Variants in MGAT4B observed in about 807,000 individuals in gnomAD.
MGAT4B encodes alpha-1,3-mannosyl-glycoprotein 4-beta-N-acetylglucosaminyltransferase B.
A neutral mutation model predicts 73.9 loss-of-function variants in MGAT4B; 38 were observed. The observed-to-expected ratio is 0.51, with a 90% CI of 0.40 to 0.67. MGAT4B has a LOEUF of 0.67. Ranked by LOEUF, MGAT4B falls within the 30% of genes least tolerant of loss-of-function variation. The pLI, the probability that MGAT4B is intolerant of heterozygous loss-of-function variation, is 0.00. For missense variants in MGAT4B, 686 were observed against 735.2 expected, an observed-to-expected ratio of 0.93 and a Z score of 0.77; for synonymous variants, 373 against 313.5, an observed-to-expected ratio of 1.19 and a Z score of -2.01.
rs971541467 is a variant in MGAT4B, at chr5:179,806,646, G to A, written c.-63C>T. 3.6e-5 allele frequency: 32 copies of A among 893,424 alleles called. No individual in the cohort carries two copies. Among genetic ancestry groups the A allele is most frequent in the South Asian group, 4.4e-5 (1 of 22,498 alleles). The allele number at this position is 893,424 out of a possible 1,614,324, so 55.3% of individuals were successfully genotyped here. A position where few individuals can be genotyped will look rare whatever the true frequency, so the allele number is the denominator to read the frequency against. ...CTGCATGGCCCGGGGGACCGGGGCC[G>A]GGGCGCAGGGGTCGGAAGGCGGCGG... is the stretch of plus-strand genomic sequence containing the variant. On this transcript the variant is annotated 5_prime_UTR_variant, in exon 1 of 15. Coordinates refer to ENST00000292591, the MANE Select transcript of MGAT4B (RefSeq NM_014275.5). The surrounding 1 kb of genome is among the most constrained non-coding windows in gnomAD (Gnocchi z 4.6).
Position 179,801,929 on chromosome 5 carries a change from C to A in MGAT4B, c.138G>T (p.Leu46=). 1 of 1,613,356 alleles carries A rather than the reference C, an allele frequency of 6.2e-7. No homozygotes were observed. The highest frequency in any genetic ancestry group is 2.2e-5 in the East Asian group (1 of 44,872). The change falls in exon 2 of 15, where the codon CTG becomes CTT. Residue 46 remains leucine (L), a synonymous_variant. Transcript: ENST00000292591. This position sits in a 1 kb window ranked among gnomAD's most constrained non-coding sequence, Gnocchi z 4.8. ...GCTCAGCTGCGTGCAACCGATCGCG[C>A]AGCGCCAGGAACTCCCGCTGGTAAA... The part of the protein sequence containing the change: ...VDVYQREFLA[L]RDRLHAAEQE...
rs758073876 is a variant in MGAT4B at position 179,800,569 on chromosome 5, G to A, written c.634C>T (p.Leu212=). The change falls in exon 6 of 15, where the codon CTG becomes TTG. Residue 212 remains leucine (L), a synonymous_variant. Coordinates refer to ENST00000292591, the MANE Select transcript of MGAT4B (RefSeq NM_014275.5). ...LFPTEIHSGL[L]EVISPSPHFY... ...TGGGGGGAGGGTGAGATGACCTCCA[G>A]GAGCCCAGAATGGATCTCCGTGGGG... The A allele has an allele frequency of 3.1e-6, 5 of 1,611,734 alleles. No homozygotes were observed. Among genetic ancestry groups the A allele is most frequent in the Middle Eastern group, 1.7e-4 (1 of 5,872 alleles).
At position 179,804,481 on chromosome 5, in the gene MGAT4B, G is replaced by C. The variant is rs543630324; in HGVS notation, c.97+2006C>G. 1.3e-4 allele frequency among the ~76,000 whole-genome samples: 20 copies of C among 152,342 alleles called. No individual in the cohort carries two copies. In the South Asian group the frequency reaches 2.3e-3, roughly 17 times the overall value. ...GATCCTCAGCAGGTGCTTGACCGAG[G>C]GCCACAGTTTGAGCGCTGGCAGAGC... On this transcript the variant is annotated intron_variant, in intron 1 of 14. Coordinates refer to ENST00000292591, the MANE Select transcript of MGAT4B (RefSeq NM_014275.5).
intron 5 of MGAT4B, 84 bp downstream of exon 5, chr5:179,800,823 C>T (rs372063506): frequency 2.7e-6 from 4 of 1,475,244 alleles, no homozygotes; most frequent in East Asian, 2.3e-5. Context: ...AAGGCACTAT[C>T]TCATGGGGAG....
At chr5:179,805,437 C>G (rs1048311833) in intron 1 of MGAT4B, 3 of 152,590 alleles carry the variant, frequency 2.0e-5, no homozygotes, top group Non-Finnish European at 4.4e-5. Context: ...CCATCCCTCC[C>G]GTGTCAGGCA....
intron 1 of MGAT4B, among the ~76,000 whole-genome samples, chr5:179,804,023 C>G (rs1309243140): frequency 6.6e-6 from 1 of 152,188 alleles, no homozygotes; most frequent in Non-Finnish European, 1.5e-5. Context: ...AGCCTGGGAG[C>G]CCCTGCCACA....
chr5:179,802,304 C>A, intron 1 of MGAT4B: 1 of 1,383,200 alleles, frequency 7.2e-7, no homozygotes, highest in Non-Finnish European at 9.3e-7. Context: ...CAGACTGAAT[C>A]CGCTCCATCC....
In MGAT4B at chr5:179,798,573, C is replaced by T. The variant is rs765767310; in HGVS notation, c.1362G>A (p.Gly454=). ...GCTTGTCCTCCGGGTGCTCGATGTT[C>T]CCACTGCGGAAGAAGAACCTGCAGC... The part of the protein sequence containing the change: ...LRLERFFFRS[G]NIEHPEDKLF... The change falls in exon 12 of 15, where the codon GGG becomes GGA. Residue 454 remains glycine (G), a synonymous_variant. Coordinates refer to ENST00000292591, the MANE Select transcript of MGAT4B (RefSeq NM_014275.5). The T allele has an allele frequency of 2.5e-6, 4 of 1,613,476 alleles. No homozygotes were observed. The East Asian group carries it at 8.9e-5, about 36-fold the overall frequency.
chr5:179,799,432 CAG>C (rs1756808150), intron 9 of MGAT4B, 72 bp downstream of exon 9: 1 of 1,609,640 alleles, frequency 6.2e-7, no homozygotes, highest in Non-Finnish European at 8.5e-7. Flanking sequence ...GATGCAAGGA[CAG>C]GGACACAGTT....
rs946694973 is a variant in MGAT4B at position 179,801,561 on chromosome 5, G to A, written c.417C>T (p.Arg139=). 6.2e-7 allele frequency: 1 copy of A among 1,608,724 alleles called. No individual in the cohort carries two copies. Among genetic ancestry groups the A allele is most frequent in the Non-Finnish European group, 8.5e-7 (1 of 1,178,204 alleles). Residue 139 remains arginine (R), a synonymous_variant, in exon 3 of 15, where the codon CGC becomes CGT. Transcript: ENST00000292591. The surrounding 1 kb of genome is among the most constrained non-coding windows in gnomAD (Gnocchi z 4.8). Reference sequence around the variant, plus strand: ...CCCTGTCTGCGCCCATACCTCCGGTGCGGCCCTGGCCCACGCGCACCGCGG... The same window carrying A: ...CCCTGTCTGCGCCCATACCTCCGGTACGGCCCTGGCCCACGCGCACCGCGG... ...LQPAVRVGQG[R]TGVSVVMGIP...
chr5:179,799,009 C>T lies in MGAT4B; in HGVS notation c.1262G>A (p.Arg421His), dbSNP rs748216524. ...QHFTLEKAYL[R>H]EDFFWAFTPA... ...GGTGAAGGCCCAGAAGAAGTCCTCG[C>T]GCAGGTAGGCTTTCTCCAGGGTGAA... Residue 421 changes from arginine (R) to histidine (H), a missense_variant, in exon 11 of 15, where the codon CGC becomes CAC. Around this residue, in one of 2 missense-constraint regions of MGAT4B, gnomAD observed 449 missense variants for 536.8 expected, o/e 0.84. Coordinates refer to ENST00000292591, the MANE Select transcript of MGAT4B (RefSeq NM_014275.5). 29 of 1,613,780 alleles carry T rather than the reference C, an allele frequency of 1.8e-5. No homozygotes were observed. Among genetic ancestry groups the T allele is most frequent in the South Asian group, 1.8e-4 (16 of 91,092 alleles).
intron 4 of MGAT4B, 40 bp from the exon 5 acceptor site, chr5:179,800,993 G>GC (rs1562613864): frequency 3.1e-6 from 5 of 1,607,976 alleles, no homozygotes; most frequent in Non-Finnish European, 4.3e-6. Flanking sequence ...CCCTGCTGCT[G>GC]CCCCAAAAGG....
chr5:179,797,980 G>A lies in MGAT4B; in HGVS notation c.*65C>T. ...CGTATCTGGCCCTCCGGGGACGGCA[G>A]TGACGACACCCCCAGAAATGTGGGC... On this transcript the variant is annotated 3_prime_UTR_variant, in exon 15 of 15. Coordinates refer to ENST00000292591, the MANE Select transcript of MGAT4B (RefSeq NM_014275.5). The A allele has an allele frequency of 6.4e-7, 1 of 1,562,532 alleles. No individual in the cohort carries two copies. The highest frequency in any genetic ancestry group is 1.4e-5 in the African/African-American group (1 of 73,854).
In MGAT4B at chr5:179,801,104, G is replaced by A. The variant is rs1390187855; in HGVS notation, c.559-151C>T. ...GCGGAGTAAGGGGGCCCCCAGAGAC[G>A]GCCCTTTCCCTTTGGGACTCGCATG... is the stretch of plus-strand genomic sequence containing the variant. On this transcript the variant is annotated intron_variant, in intron 4 of 14. Transcript: ENST00000292591. This position sits in a 1 kb window ranked among gnomAD's most constrained non-coding sequence, Gnocchi z 4.8. The A allele has an allele frequency of 2.9e-5, 34 of 1,174,054 alleles. No homozygotes were observed. The highest frequency in any genetic ancestry group is 7.7e-5 in the East Asian group (3 of 38,954). The allele number at this position is 1,174,054 out of a possible 1,614,324, so 72.7% of individuals were successfully genotyped here. A position where few individuals can be genotyped will look rare whatever the true frequency, so the allele number is the denominator to read the frequency against.
Position 179,798,917 on chromosome 5 carries a change from C to T in MGAT4B, c.1343+11G>A. ...CCGCCCCCATCGCAGACCCATGGTG[C>T]TGGCACTGACCGCTCCAGTCTTAGA... On this transcript the variant is annotated intron_variant, in intron 11 of 14. Coordinates refer to ENST00000292591, the MANE Select transcript of MGAT4B (RefSeq NM_014275.5). 1.2e-6 allele frequency: 2 copies of T among 1,613,336 alleles called. No individual in the cohort carries two copies. Among genetic ancestry groups the T allele is most frequent in the South Asian group, 1.1e-5 (1 of 91,078 alleles).
intron 1 of MGAT4B, among the ~76,000 whole-genome samples, chr5:179,804,197 CACA>C (rs1757051834): frequency 6.6e-6 from 1 of 152,370 alleles, no homozygotes; most frequent in East Asian, 1.9e-4. Context: ...CAAGCTGGGG[CACA>C]ACCTTTGTGC....
chr5:179,798,235 G>C lies in MGAT4B; in HGVS notation c.1553C>G (p.Ala518Gly), dbSNP rs371351604. ...GCGCAGTGCTTCCAGAGGGCCGAAG[G>C]CTGGGTCCACCTCTCCCTCTGCCAC... Reference protein sequence around the residue: ...KGVAEGEVDPAFGPLEALRLS... With the variant: ...KGVAEGEVDPGFGPLEALRLS... Residue 518 changes from alanine (A) to glycine (G), a missense_variant, in exon 14 of 15, where the codon GCC (alanine) becomes GGC (glycine). By Grantham distance (60) the Ala-to-Gly change is moderately conservative (BLOSUM62 0). This residue lies in a region of MGAT4B where 449 missense variants were observed against 536.8 expected (regional missense o/e 0.84). Coordinates refer to ENST00000292591, the MANE Select transcript of MGAT4B (RefSeq NM_014275.5). 1.7e-5 allele frequency: 28 copies of C among 1,608,330 alleles called. No homozygotes were observed. The African/African-American group carries it at 2.9e-4, about 17-fold the overall frequency.
chr5:179,801,573 C>T lies in MGAT4B; in HGVS notation c.405G>A (p.Val135=). The stretch of plus-strand genomic sequence containing the variant: ...CCATACCTCCGGTGCGGCCCTGGCC[C>T]ACGCGCACCGCGGGCTGCAGACTGC... ...KESSLQPAVR[V]GQGRTGVSVV... The change falls in exon 3 of 15, where the codon GTG becomes GTA. Residue 135 remains valine (V), a synonymous_variant. Coordinates refer to ENST00000292591, the MANE Select transcript of MGAT4B (RefSeq NM_014275.5). This position sits in a 1 kb window ranked among gnomAD's most constrained non-coding sequence, Gnocchi z 4.8. 6.2e-7 allele frequency: 1 copy of T among 1,607,912 alleles called. No homozygotes were observed. The highest frequency in any genetic ancestry group is 1.1e-5 in the South Asian group (1 of 90,328).
At chr5:179,803,802 C>CA (rs1407133892) in intron 1 of MGAT4B, 1 of 152,408 alleles carries the variant, frequency 6.6e-6, no homozygotes, top group African/African-American at 2.4e-5. Flanking sequence ...ACCCTTCTGT[C>CA]ATTTCCCTAC....
Sources: gnomAD v4.1 joint callset for allele counts (sites outside exome capture counted in the v4.1 genomes callset) on GRCh38, gnomAD v4.1.1 for gene constraint, gnomAD v4.1.1 regional missense constraint, Gnocchi (gnomAD v3.1) non-coding constraint, MANE v1.5 for transcripts, NCBI Gene and HGNC (gene_info 2026-07-23, HGNC 2026-07-21) for gene names.